Variants in GALNS observed in about 807,000 individuals in gnomAD.
GALNS encodes galactosamine (N-acetyl)-6-sulfatase.
A neutral mutation model predicts 65.9 loss-of-function variants in GALNS; 65 were observed. The ratio of observed to expected loss-of-function variants is 0.99; its 90% CI spans 0.81 to 1.21. The LOEUF (loss-of-function observed/expected upper bound fraction) is 1.21. GALNS is among the 50% of genes most tolerant of loss of function. The pLI, the probability that GALNS is intolerant of heterozygous loss-of-function variation, is 0.00. For missense variants in GALNS, 776 were observed against 700.7 expected (o/e 1.11, Z -1.21); for synonymous variants, 346 against 288.9 (o/e 1.20, Z -2.00).
At chr16:88,815,543 C>T (rs1909532746) in intron 13 of GALNS, 2 of 985,350 alleles carry the variant, frequency 2.0e-6, no homozygotes, top group East Asian at 1.1e-4. Flanking sequence ...TTCCTGGCAA[C>T]AGAAAGGGAG....
At chr16:88,850,221 A>G (rs1030704933) in intron 1 of GALNS, among the ~76,000 whole-genome samples, 1 of 152,148 alleles carries the variant, frequency 6.6e-6, no homozygotes, top group Admixed American at 6.5e-5. Flanking sequence ...CATGCCCAGG[A>G]CCACTGCTGG....
In GALNS at chr16:88,814,343, C is replaced by A; in HGVS notation, c.*96G>T. 2 of 1,495,692 alleles carry A rather than the reference C, an allele frequency of 1.3e-6. No homozygotes were observed. Among genetic ancestry groups the A allele is most frequent in the South Asian group, 2.4e-5 (2 of 82,788 alleles). 92.7% of individuals were successfully genotyped at this position (1,495,692 alleles called of 1,614,324 possible). A position where few individuals can be genotyped will look rare whatever the true frequency, so the allele number is the denominator to read the frequency against. On this transcript the variant is annotated 3_prime_UTR_variant, in exon 14 of 14. Coordinates refer to ENST00000268695, the MANE Select transcript of GALNS (RefSeq NM_000512.5). ...GCAGGTGCTGTCTGTCTGGCTTGGG[C>A]AGGGTTGGGGGAGGACCGAGGCCAG...
Position 88,832,115 on chromosome 16 carries a change from G to A in GALNS, c.899-14C>T, listed in dbSNP as rs771269427. On this transcript the variant is annotated splice_polypyrimidine_tract_variant and intron_variant, in intron 8 of 13. Coordinates refer to ENST00000268695, the MANE Select transcript of GALNS (RefSeq NM_000512.5). ...CGTTGCTGCCACCTGGGAGAGAGGG[G>A]CCCTTGTCAGGCCACTGGGACCAGA... The A allele has an allele frequency of 3.1e-6, 5 of 1,608,934 alleles. No individual in the cohort carries two copies. The highest frequency in any genetic ancestry group is 1.3e-5 in the African/African-American group (1 of 74,898).
Position 88,814,184 on chromosome 16 carries a change from G to T in GALNS, c.*255C>A. On this transcript the variant is annotated 3_prime_UTR_variant, in exon 14 of 14. Coordinates refer to ENST00000268695, the MANE Select transcript of GALNS (RefSeq NM_000512.5). ...GGGTTCACAAAGGCGTGAGACGGCAGGGTCCTGAGGTCTGAGGCGCCGTGG... is the reference window on the plus strand; with the variant it reads ...GGGTTCACAAAGGCGTGAGACGGCATGGTCCTGAGGTCTGAGGCGCCGTGG... 1 of 576,500 alleles carries T rather than the reference G, an allele frequency of 1.7e-6. No homozygotes were observed. The highest frequency in any genetic ancestry group is 3.1e-6 in the Non-Finnish European group (1 of 321,810). 35.7% of individuals were successfully genotyped at this position (576,500 alleles called of 1,614,324 possible).
rs764817769 is a variant in GALNS at position 88,835,289 on chromosome 16, G to A, written c.822C>T (p.Asp274=). ...SIGKILELLQ[D]LHVADNTFVF... is the part of the protein sequence containing the mutation. Reference sequence around the variant, plus strand: ...CGAAGGTGTTGTCCGCGACGTGCAGGTCTTGGAGGAGCTCCAGTATCTTCC... The same window carrying A: ...CGAAGGTGTTGTCCGCGACGTGCAGATCTTGGAGGAGCTCCAGTATCTTCC... The change falls in exon 8 of 14, where the codon GAC becomes GAT. Residue 274 remains aspartate (D), a synonymous_variant. Coordinates refer to ENST00000268695, the MANE Select transcript of GALNS (RefSeq NM_000512.5). 9 of 1,613,336 alleles carry A rather than the reference G, an allele frequency of 5.6e-6. No individual in the cohort carries two copies. In the Admixed American group the frequency reaches 1.0e-4, roughly 18 times the overall value.
At position 88,814,326 on chromosome 16, in the gene GALNS, T is replaced by C. The variant is rs1909406768; in HGVS notation, c.*113A>G. On this transcript the variant is annotated 3_prime_UTR_variant, in exon 14 of 14. Transcript: ENST00000268695. ...GCAGTCCCCCTGCGTCTGCAGGTGC[T>C]GTCTGTCTGGCTTGGGCAGGGTTGG... 2.2e-6 allele frequency: 3 copies of C among 1,382,304 alleles called. No homozygotes were observed. The highest frequency in any genetic ancestry group is 2.5e-5 in the East Asian group (1 of 39,944). 85.6% of individuals were successfully genotyped at this position (1,382,304 alleles called of 1,614,324 possible). A position where few individuals can be genotyped will look rare whatever the true frequency, so the allele number is the denominator to read the frequency against.
chr16:88,856,331 G>C (rs571390933), intron 1 of GALNS: 94 of 702,628 alleles, frequency 1.3e-4, no homozygotes, highest in Middle Eastern at 2.3e-4. Flanking sequence ...AGGCAGGGCG[G>C]CAGGAGCAGC....
intron 10 of GALNS, among the ~76,000 whole-genome samples, chr16:88,825,303 GGCCGGGGCGACTGGGTA>G (rs1229772661): frequency 2.2e-5 from 3 of 134,462 alleles, no homozygotes; most frequent in African/African-American, 7.1e-5. Flanking sequence ...GTGCCTGGGT[GGCCGGGGCGACTGGGTA>G]TCTGGGGTGC....
In GALNS at chr16:88,835,250, C is replaced by T. The variant is rs746281301; in HGVS notation, c.861G>A (p.Ser287=). The change falls in exon 8 of 14, where the codon TCG becomes TCA. Residue 287 remains serine, a synonymous_variant. Coordinates refer to ENST00000268695, the MANE Select transcript of GALNS (RefSeq NM_000512.5). ...CGGAAATGAGGGCAGCGCCGTTGTC[C>T]GACGTGAAGAAGACGAAGGTGTTGT... ...VADNTFVFFT[S]DNGAALISAP... 1.8e-5 allele frequency: 29 copies of T among 1,605,508 alleles called. No homozygotes were observed. Among genetic ancestry groups the T allele is most frequent in the South Asian group, 1.0e-4 (9 of 89,550 alleles).
At position 88,835,297 on chromosome 16, in the gene GALNS, G is replaced by A. The variant is rs752249227; in HGVS notation, c.814C>T (p.Leu272Phe). The A allele has an allele frequency of 1.2e-6, 2 of 1,613,560 alleles. No homozygotes were observed. The highest frequency in any genetic ancestry group is 8.5e-7 in the Non-Finnish European group (1 of 1,179,824). The change falls in exon 8 of 14, where the codon CTC becomes TTC. Residue 272 changes from leucine (L) to phenylalanine (F), a missense_variant. Physicochemically the swap from Leu to Phe is conservative, Grantham distance 22. Transcript: ENST00000268695. The stretch of plus-strand genomic sequence containing the variant: ...TTGTCCGCGACGTGCAGGTCTTGGA[G>A]GAGCTCCAGTATCTTCCCAATGCTG... ...DDSIGKILEL[L>F]QDLHVADNTF...
intron 1 of GALNS, among the ~76,000 whole-genome samples, chr16:88,850,148 G>A (rs2143008784): frequency 6.6e-6 from 1 of 152,370 alleles, no homozygotes; most frequent in East Asian, 1.9e-4. Flanking sequence ...ATGGCAGGTG[G>A]GCCGGGGGCA....
chr16:88,855,590 T>G (rs1183575098), intron 1 of GALNS: 2 of 659,936 alleles, frequency 3.0e-6, no homozygotes, highest in Non-Finnish European at 2.7e-6. Context: ...CACCCCTGGG[T>G]GGGGAAATTA....
chr16:88,842,320 A>T, intron 2 of GALNS: 1 of 508,426 alleles, frequency 2.0e-6, no homozygotes, highest in Non-Finnish European at 3.6e-6. Flanking sequence ...CCTCACGATC[A>T]ACACCACATG....
chr16:88,841,911 G>C lies in GALNS; in HGVS notation c.305C>G (p.Ala102Gly). 6.2e-7 allele frequency: 1 copy of C among 1,613,406 alleles called. No individual in the cohort carries two copies. Among genetic ancestry groups the C allele is most frequent in the African/African-American group, 1.3e-5 (1 of 75,050 alleles). The change falls in exon 3 of 14, where the codon GCC (alanine) becomes GGC (glycine). Residue 102 changes from alanine (A) to glycine (G), a missense_variant. Coordinates refer to ENST00000268695, the MANE Select transcript of GALNS (RefSeq NM_000512.5). ...PIRNGFYTTN[A>G]HARNAYTPQE... ...GGGCAGCCTACCGTTTCTGGCATGG[G>C]CGTTGGTGGTGTAGAAGCCATTGCG...
At chr16:88,855,878 G>A (rs1006233089) in intron 1 of GALNS, 6 of 507,166 alleles carry the variant, frequency 1.2e-5, no homozygotes, top group African/African-American at 1.9e-5. Flanking sequence ...CGACACCGAC[G>A]GCCCAAAACT....
At chr16:88,854,673 T>C (rs964488989) in intron 1 of GALNS, among the ~76,000 whole-genome samples, 1 of 152,216 alleles carries the variant, frequency 6.6e-6, no homozygotes, top group African/African-American at 2.4e-5. Context: ...CAGGGGTGAC[T>C]TGGAGTCACC....
intron 1 of GALNS, among the ~76,000 whole-genome samples, chr16:88,849,808 G>A (rs1381681057): frequency 6.6e-6 from 1 of 152,262 alleles, no homozygotes; most frequent in Admixed American, 6.5e-5. Context: ...AGAGAGAGGT[G>A]TCCCCTGAAG....
intron 10 of GALNS, among the ~76,000 whole-genome samples, chr16:88,825,616 C>T (rs567537720): frequency 2.0e-4 from 29 of 147,564 alleles, no homozygotes; most frequent in African/African-American, 6.7e-4. Flanking sequence ...GGTGCCTGGG[C>T]GGCCGGGGCT....
chr16:88,840,126 C>G (rs780650470), intron 4 of GALNS, among the ~76,000 whole-genome samples: 1 of 152,188 alleles, frequency 6.6e-6, no homozygotes, highest in Non-Finnish European at 1.5e-5. Context: ...GAGCTCAGCT[C>G]GGCAGGCTGC....
Sources: allele counts gnomAD v4.1 joint callset (sites outside exome capture counted in the v4.1 genomes callset), GRCh38; gene constraint gnomAD v4.1.1; transcripts MANE v1.5; gene names NCBI Gene and HGNC (gene_info 2026-07-23, HGNC 2026-07-21).